The following KANK1 variants were observed in gnomAD, a reference collection of about 807,000 sequenced individuals.
KANK1 encodes the protein KN motif and ankyrin repeat domains 1.
KANK1 carries 109 observed loss-of-function variants against 106.2 expected under a neutral mutation model. That is an observed-to-expected ratio of 1.03 (90% CI 0.88 to 1.20). The LOEUF is 1.20. Among genes scored for constraint, KANK1 ranks in the 50% most tolerant of loss-of-function variants. The pLI is 0.00. For synonymous variants in KANK1, 873 were observed against 652.2 expected (o/e 1.34, Z -5.16); for missense variants, 2,399 against 1,710.7 (o/e 1.40, Z -7.10).
intron 11 of KANK1, chr9:744,843 G>A: frequency 7.1e-7 from 1 of 1,418,324 alleles, no homozygotes; most frequent in Non-Finnish European, 9.2e-7. Context: ...TTTTGATTCT[G>A]TGCAGAATTA....
intron 3 of KANK1, among the ~76,000 whole-genome samples, chr9:475,542 T>C (rs2132072125): frequency 6.6e-6 from 1 of 152,346 alleles, no homozygotes; most frequent in East Asian, 1.9e-4. Context: ...TTTTCTTATC[T>C]TCCAAATTCC....
At chr9:664,941 C>A (rs1844230635) in intron 1 of KANK1, among the ~76,000 whole-genome samples, 1 of 152,130 alleles carries the variant, frequency 6.6e-6, no homozygotes, top group Admixed American at 6.5e-5. Context: ...TTGAGCACTT[C>A]TTATACCCTT....
At chr9:683,467 A>T (rs1359197338) in intron 2 of KANK1, among the ~76,000 whole-genome samples, 1 of 152,198 alleles carries the variant, frequency 6.6e-6, no homozygotes, top group East Asian at 1.9e-4. Flanking sequence ...ATACTCTCAG[A>T]TGACAAAACA....
At chr9:685,463 A>C (rs1818362269) in intron 2 of KANK1, 1 of 152,200 alleles carries the variant, frequency 6.6e-6, no homozygotes, top group African/African-American at 2.4e-5. Context: ...AGCTGTGCTA[A>C]GGGACAAATT....
chr9:667,765 G>C (rs1458548515), intron 1 of KANK1, among the ~76,000 whole-genome samples: 1 of 146,174 alleles, frequency 6.8e-6, no homozygotes, highest in Admixed American at 6.8e-5. Context: ...TTTTGAGATG[G>C]AGTCTCCCTC....
At chr9:670,769 G>T (rs1275496602) in intron 1 of KANK1, among the ~76,000 whole-genome samples, 1 of 152,088 alleles carries the variant, frequency 6.6e-6, no homozygotes, top group African/African-American at 2.4e-5. Flanking sequence ...ATGGGTTGAG[G>T]CATGGATAGG....
chr9:642,902 G>A (rs983592710), intron 1 of KANK1, among the ~76,000 whole-genome samples: 3 of 150,192 alleles, frequency 2.0e-5, no homozygotes, highest in African/African-American at 7.5e-5. Context: ...CGAAGTAATG[G>A]CAATGGTAAG....
intron 9 of KANK1, 63 bp from the exon 10 acceptor site, chr9:742,142 A>G (rs1835757735): frequency 7.1e-7 from 1 of 1,417,336 alleles, no homozygotes; most frequent in South Asian, 1.2e-5. Context: ...GCACAGCCCC[A>G]CTAGAGGCCA....
rs537628750 is a variant in KANK1 at position 528,108 on chromosome 9, G to A, written c.-84+23354G>A. On this transcript the variant is annotated intron_variant, in intron 1 of 11. Transcript: ENST00000382297. Reference sequence around the variant, plus strand: ...AGATCGTGCCACTGCACTCCATCGAGCCTGGGCAACAGAGCGAGACTCCGT... The same window carrying A: ...AGATCGTGCCACTGCACTCCATCGAACCTGGGCAACAGAGCGAGACTCCGT... 1.1e-4 allele frequency among the ~76,000 whole-genome samples: 17 copies of A among 150,908 alleles called. No homozygotes were observed. In the East Asian group the frequency reaches 3.3e-3, roughly 29 times the overall value.
upstream of KANK1, among the ~76,000 whole-genome samples, chr9:501,191 C>T (rs1000778059): frequency 1.4e-4 from 21 of 152,142 alleles, no homozygotes; most frequent in African/African-American, 4.8e-4. Context: ...CTAAAAAGTT[C>T]ATCCACCACA....
At chr9:485,000 A>G (rs996683539) in intron 3 of KANK1, among the ~76,000 whole-genome samples, 16 of 152,090 alleles carry the variant, frequency 1.1e-4, no homozygotes, top group Admixed American at 2.6e-4. Flanking sequence ...CCAGGCCCAG[A>G]TTTGAGTTCA....
chr9:589,495 A>T (rs1371516410), intron 1 of KANK1, among the ~76,000 whole-genome samples: 2 of 152,090 alleles, frequency 1.3e-5, no homozygotes, highest in African/African-American at 4.8e-5. Flanking sequence ...ATACTAAAAG[A>T]GAGGGAGGTA....
chr9:493,925 CA>C lies in KANK1; in HGVS notation c.-362+20653del, dbSNP rs1209009147. Among the ~76,000 whole-genome samples, 7 of 151,438 alleles carry C rather than the reference CA, an allele frequency of 4.6e-5. No homozygotes were observed. The East Asian group carries it at 1.4e-3, about 30-fold the overall frequency. On this transcript the variant is annotated intron_variant, in intron 3 of 15. Transcript: ENST00000382303. ...TGAGATGGAGTCTTGCTTTGTTGCC[CA>C]GGCTGGAGTGCAATGGTGCGATCTC... is the stretch of plus-strand genomic sequence containing the variant.
chr9:616,652 C>T (rs1022937133), intron 1 of KANK1, among the ~76,000 whole-genome samples: 1 of 152,194 alleles, frequency 6.6e-6, no homozygotes, highest in South Asian at 2.1e-4. Flanking sequence ...AGTAATTATT[C>T]TGCAAGACCC....
At chr9:648,941 G>A (rs985389319) in intron 1 of KANK1, among the ~76,000 whole-genome samples, 2 of 152,150 alleles carry the variant, frequency 1.3e-5, no homozygotes, top group Non-Finnish European at 2.9e-5. Flanking sequence ...GTTCCTGGGA[G>A]AATGTTTGTA....
intron 1 of KANK1, among the ~76,000 whole-genome samples, chr9:587,427 G>A (rs891268054): frequency 6.6e-6 from 1 of 152,030 alleles, no homozygotes; most frequent in East Asian, 1.9e-4. Flanking sequence ...GATAATACTA[G>A]GGAAACTTGA....
At chr9:662,941 C>T (rs1843687027) in intron 1 of KANK1, among the ~76,000 whole-genome samples, 1 of 152,168 alleles carries the variant, frequency 6.6e-6, no homozygotes, top group Admixed American at 6.5e-5. Flanking sequence ...GGATTACAGG[C>T]GTGAGCCACC....
chr9:712,174 T>C lies in KANK1; in HGVS notation c.1408T>C (p.Tyr470His), dbSNP rs768467000. 1.2e-5 allele frequency: 20 copies of C among 1,613,966 alleles called. No individual in the cohort carries two copies. The highest frequency in any genetic ancestry group is 1.6e-5 in the Non-Finnish European group (19 of 1,180,038). Reference protein sequence around the residue: ...QTIESLKEKIYRLEVQLRETT... With the variant: ...QTIESLKEKIHRLEVQLRETT... ...CATAGAATCCTTGAAGGAAAAGATC[T>C]ATCGCCTAGAAGTACAGCTTAGAGA... The change falls in exon 3 of 12, where the codon TAT (tyrosine) becomes CAT (histidine). Residue 470 changes from tyrosine (Y) to histidine (H), a missense_variant. By Grantham distance (83) the Tyr-to-His change is moderately conservative. Transcript: ENST00000382297.
chr9:585,224 C>T (rs1823163619), intron 1 of KANK1, among the ~76,000 whole-genome samples: 1 of 152,186 alleles, frequency 6.6e-6, no homozygotes, highest in Admixed American at 6.5e-5. Context: ...CCATCATCTT[C>T]AGGTAAAACT....
Sources: gnomAD v4.1 joint callset for allele counts (sites outside exome capture counted in the v4.1 genomes callset) on GRCh38, gnomAD v4.1.1 for gene constraint, MANE v1.5 for transcripts, NCBI Gene and HGNC (gene_info 2026-07-23, HGNC 2026-07-21) for gene names.